Variants in DPP6 observed in about 807,000 individuals in gnomAD.
DPP6 encodes A-type potassium channel modulatory protein DPP6.
Under a neutral mutation model 122.6 loss-of-function variants are expected in DPP6, and 69 were observed. The observed-to-expected ratio is 0.56, with a 90% CI of 0.46 to 0.69. The LOEUF (loss-of-function observed/expected upper bound fraction) is 0.69. Ranked by LOEUF, DPP6 falls within the 30% of genes least tolerant of loss-of-function variation. The pLI, the probability that DPP6 is intolerant of heterozygous loss-of-function variation, is 0.00. For missense variants in DPP6, 928 were observed against 1,116.9 expected (o/e 0.83, Z 2.41); for synonymous variants, 418 against 433.1 (o/e 0.97, Z 0.43).
At position 154,325,240 on chromosome 7, in the gene DPP6, G is replaced by A. The variant is rs528934358; in HGVS notation, c.244-120974G>A. Among the ~76,000 whole-genome samples the A allele has an allele frequency of 1.5e-3, 232 of 152,170 alleles. 3 individuals carry two copies. In the South Asian group the frequency reaches 0.023, roughly 15 times the overall value. On this transcript the variant is annotated intron_variant, in intron 1 of 25. Coordinates refer to ENST00000377770, the MANE Select transcript of DPP6 (RefSeq NM_130797.4). ...CCCAGACCCCCAATGGCTGCGAATC[G>A]GCAGAGTTGGGCCCCAGTGGGTCTC...
chr7:154,642,164 C>A (rs1836144203), intron 6 of DPP6, among the ~76,000 whole-genome samples: 2 of 152,160 alleles, frequency 1.3e-5, no homozygotes, highest in Non-Finnish European at 1.5e-5. Context: ...AGCATCATGC[C>A]AGGCAGTGAC....
exon 1 of DPP6, chr7:153,887,615 A>T: frequency 6.3e-7 from 1 of 1,588,540 alleles, no homozygotes; most frequent in Admixed American, 1.7e-5. Context: ...GTCTACTTTA[A>T]TCCTCACCAG....
At chr7:153,819,708 A>G in the DPP6 span, among the ~76,000 whole-genome samples, 2 of 152,324 alleles carry the variant, frequency 1.3e-5, no homozygotes, top group East Asian at 1.9e-4. Context: ...GGATGAAAGA[A>G]AGAGAATATA....
chr7:154,696,270 G>C (rs1027106122), intron 7 of DPP6, among the ~76,000 whole-genome samples: 4 of 152,188 alleles, frequency 2.6e-5, no homozygotes, highest in Non-Finnish European at 5.9e-5. Flanking sequence ...AACCTAAGAA[G>C]TCGTGTACCC....
chr7:154,314,500 G>A (rs1295818989), intron 1 of DPP6, among the ~76,000 whole-genome samples: 1 of 152,126 alleles, frequency 6.6e-6, no homozygotes, highest in Non-Finnish European at 1.5e-5. Context: ...TTTTGTTTTA[G>A]TAACGTAAAC....
chr7:154,376,949 C>G (rs1378729239), intron 1 of DPP6, among the ~76,000 whole-genome samples: 1 of 152,130 alleles, frequency 6.6e-6, no homozygotes, highest in Non-Finnish European at 1.5e-5. Flanking sequence ...GTATCCTGTT[C>G]CTTACCTCTG....
At chr7:153,782,667 G>GA in the DPP6 span, among the ~76,000 whole-genome samples, 1 of 152,102 alleles carries the variant, frequency 6.6e-6, no homozygotes, top group Admixed American at 6.6e-5. Context: ...AGAAGGGTAA[G>GA]AAAAAAAGTG....
In DPP6 at chr7:154,496,281, A is replaced by G. The variant is rs183153054; in HGVS notation, c.457+21244A>G. On this transcript the variant is annotated intron_variant, in intron 3 of 25. Coordinates refer to ENST00000377770, the MANE Select transcript of DPP6 (RefSeq NM_130797.4). ...CATAGTCTCAGAATCCAAGACTGCA[A>G]ATCTCCTGTCTAAAAGGAATGAGTT... is the stretch of plus-strand genomic sequence containing the variant. Among the ~76,000 whole-genome samples the G allele has an allele frequency of 3.8e-4, 58 of 152,346 alleles. 1 individual carries two copies. Among genetic ancestry groups the G allele is most frequent in the African/African-American group, 1.4e-3 (57 of 41,582 alleles).
At chr7:154,555,191 G>GA (rs1254756417) in intron 4 of DPP6, among the ~76,000 whole-genome samples, 1 of 151,874 alleles carries the variant, frequency 6.6e-6, no homozygotes, top group African/African-American at 2.4e-5. Context: ...GAAAATAGAA[G>GA]AAAAAAAGAC....
At chr7:154,522,708 T>A (rs375432360) in intron 3 of DPP6, among the ~76,000 whole-genome samples, 20 of 146,762 alleles carry the variant, frequency 1.4e-4, no homozygotes, top group Non-Finnish European at 1.8e-4. Flanking sequence ...GAAAAAAAAA[T>A]TGGAACTCTG....
intron 1 of DPP6, among the ~76,000 whole-genome samples, chr7:153,992,171 G>T (rs1378655802): frequency 6.6e-6 from 1 of 151,746 alleles, no homozygotes; most frequent in Admixed American, 6.6e-5. Flanking sequence ...ATAAATTTTG[G>T]GGGGCACATT....
In DPP6 at chr7:154,610,707, CTG is replaced by C. The variant is rs10525265; in HGVS notation, c.628-27077_628-27076del. On this transcript the variant is annotated intron_variant, in intron 5 of 25. Coordinates refer to ENST00000377770, the MANE Select transcript of DPP6 (RefSeq NM_130797.4). ...TTATTATTTGTGTCTGTGTTGTTCTCTGTGTGTGTGTGTGTGTGTGTGTGTGT... is the reference window on the plus strand; with the variant it reads ...TTATTATTTGTGTCTGTGTTGTTCTCTGTGTGTGTGTGTGTGTGTGTGTGT... Among the ~76,000 whole-genome samples the C allele has an allele frequency of 7.0e-3, 853 of 122,052 alleles. 10 individuals carry two copies. The highest frequency in any genetic ancestry group is 0.021 in the African/African-American group (755 of 36,084). The allele number at this position is 122,052 out of a possible 152,430, so 80.1% of individuals were successfully genotyped here. A position where few individuals can be genotyped will look rare whatever the true frequency, so the allele number is the denominator to read the frequency against.
chr7:153,762,483 T>C, the DPP6 span, among the ~76,000 whole-genome samples: 2 of 152,070 alleles, frequency 1.3e-5, no homozygotes, highest in African/African-American at 4.8e-5. Flanking sequence ...GGATTAAGAC[T>C]CTACCCGCCT....
chr7:154,636,339 C>T (rs1010249227), intron 5 of DPP6, among the ~76,000 whole-genome samples: 113 of 152,204 alleles, frequency 7.4e-4, no homozygotes, highest in Non-Finnish European at 1.4e-3. Context: ...TGGGTCCTCT[C>T]TGAGCGGTGA....
intron 1 of DPP6, among the ~76,000 whole-genome samples, chr7:154,354,776 C>T (rs1260145061): frequency 6.6e-6 from 1 of 152,202 alleles, no homozygotes; most frequent in South Asian, 2.1e-4. Flanking sequence ...CCATTTATTC[C>T]TTCTGCTGTT....
intron 3 of DPP6, among the ~76,000 whole-genome samples, chr7:154,496,068 T>A (rs1824712260): frequency 6.6e-6 from 1 of 152,228 alleles, no homozygotes; most frequent in African/African-American, 2.4e-5. Flanking sequence ...GGCAAAATCT[T>A]AAATTTTCAT....
chr7:154,517,722 C>A (rs73163066), intron 3 of DPP6, among the ~76,000 whole-genome samples: 1 of 151,848 alleles, frequency 6.6e-6, no homozygotes. Context: ...TACACAGCAG[C>A]GCTCTCATGG....
intron 1 of DPP6, among the ~76,000 whole-genome samples, chr7:154,182,349 C>T (rs999221597): frequency 2.0e-5 from 3 of 152,194 alleles, no homozygotes; most frequent in Non-Finnish European, 4.4e-5. Flanking sequence ...AGTCTTGCCA[C>T]ATGCCCATTG....
the DPP6 span, among the ~76,000 whole-genome samples, chr7:153,834,367 C>T: frequency 6.6e-6 from 1 of 151,800 alleles, no homozygotes; most frequent in Admixed American, 6.6e-5. Flanking sequence ...TCTTTCTATG[C>T]TAATACTGTC....
Sources: allele counts gnomAD v4.1 joint callset (sites outside exome capture counted in the v4.1 genomes callset), GRCh38; gene constraint gnomAD v4.1.1; transcripts MANE v1.5; gene names NCBI Gene and HGNC (gene_info 2026-07-23, HGNC 2026-07-21).